ATXN7L1: variants seen among roughly 807,000 people sequenced by gnomAD.
ATXN7L1 encodes the protein ataxin-7-like protein 1.
ATXN7L1 carries 15 observed loss-of-function variants against 70.8 expected under a neutral mutation model. The observed-to-expected ratio is 0.21, with a 90% confidence interval of 0.14 to 0.33. The LOEUF is 0.33. Ranked by LOEUF, ATXN7L1 falls within the 10% of genes least tolerant of loss-of-function variation. The pLI is 1.00. For synonymous variants in ATXN7L1, 440 were observed against 445.1 expected (o/e 0.99, Z 0.14); for missense variants, 975 against 1,097.1 (o/e 0.89, Z 1.57).
intron 3 of ATXN7L1, among the ~76,000 whole-genome samples, chr7:105,688,972 A>C (rs369711438): frequency 1.3e-5 from 2 of 152,370 alleles, no homozygotes; most frequent in African/African-American, 4.8e-5. Flanking sequence ...GTTCCAGAAA[A>C]GACAAGACCT....
At chr7:105,738,101 C>A (rs1409921610) in intron 3 of ATXN7L1, among the ~76,000 whole-genome samples, 1 of 152,238 alleles carries the variant, frequency 6.6e-6, no homozygotes, top group Non-Finnish European at 1.5e-5. Flanking sequence ...ACAGCCACAT[C>A]ACACTGGGCA....
In ATXN7L1 at chr7:105,614,846, C is replaced by A. The variant is rs779670205; in HGVS notation, c.1518-30G>T. The stretch of plus-strand genomic sequence containing the variant: ...ACATGAGAGAAGAGTGAAAGAGAAT[C>A]AGTGAGACATCGGGTTGGCATTGCT... On this transcript the variant is annotated intron_variant, in intron 9 of 11. Coordinates refer to ENST00000419735, the MANE Select transcript of ATXN7L1 (RefSeq NM_020725.2). This position sits in a 1 kb window ranked among gnomAD's most constrained non-coding sequence, Gnocchi z 4.3. 1.7e-5 allele frequency: 26 copies of A among 1,529,706 alleles called. 1 individual carries two copies. Among genetic ancestry groups the A allele is most frequent in the Non-Finnish European group, 2.2e-5 (25 of 1,134,170 alleles). The allele number at this position is 1,529,706 out of a possible 1,614,324, so 94.8% of individuals were successfully genotyped here.
chr7:105,722,597 A>T (rs1222807383), intron 3 of ATXN7L1, among the ~76,000 whole-genome samples: 4 of 125,256 alleles, frequency 3.2e-5, no homozygotes, highest in Non-Finnish European at 6.8e-5. Context: ...AAAAAAAAAA[A>T]AGGTTGGGCT....
intron 3 of ATXN7L1, among the ~76,000 whole-genome samples, chr7:105,708,448 G>A (rs17151463): frequency 0.082 from 12,518 of 152,224 alleles, 615 homozygotes; most frequent in Non-Finnish European, 0.11. Context: ...TTCTAGGGGT[G>A]AAGACAAATA....
rs762760617 is a variant in ATXN7L1 at position 105,668,617 on chromosome 7, T to C, written c.356-3329A>G. 1.4e-4 allele frequency among the ~76,000 whole-genome samples: 22 copies of C among 152,324 alleles called. No homozygotes were observed. In the Middle Eastern group the frequency reaches 0.01, roughly 71 times the overall value. On this transcript the variant is annotated intron_variant, in intron 3 of 11. Coordinates refer to ENST00000419735, the MANE Select transcript of ATXN7L1 (RefSeq NM_020725.2). ...TTATATTTTTAGTAGAGATAGGGTT[T>C]CATCATGTTGGCCAGGCTAGTGTTG...
chr7:105,871,084 GTTTTTTTT>G (rs3999852), intron 2 of ATXN7L1, among the ~76,000 whole-genome samples: 1 of 135,056 alleles, frequency 7.4e-6, no homozygotes, highest in Non-Finnish European at 1.6e-5. Flanking sequence ...GAGGGCTTGG[GTTTTTTTT>G]TTTTTTTTTT....
At chr7:105,722,218 T>C (rs1331243812) in intron 3 of ATXN7L1, among the ~76,000 whole-genome samples, 1 of 152,150 alleles carries the variant, frequency 6.6e-6, no homozygotes, top group Non-Finnish European at 1.5e-5. Flanking sequence ...ACTATGTGTG[T>C]ACACGTGCGT....
intron 3 of ATXN7L1, among the ~76,000 whole-genome samples, chr7:105,700,024 A>C (rs1367547420): frequency 6.6e-6 from 1 of 152,126 alleles, no homozygotes; most frequent in African/African-American, 2.4e-5. Context: ...GGAGCTGAGG[A>C]GCAGCGACTC....
At chr7:105,845,232 A>AAAAAAAG (rs1813834320) in intron 2 of ATXN7L1, among the ~76,000 whole-genome samples, 3 of 145,268 alleles carry the variant, frequency 2.1e-5, no homozygotes, top group African/African-American at 5.0e-5. Context: ...AAAAAAAAAA[A>AAAAAAAG]TCAGTTCAGT....
intron 3 of ATXN7L1, among the ~76,000 whole-genome samples, chr7:105,727,779 C>CATATATATATATATATAT (rs1337554948): frequency 1.5e-5 from 1 of 66,864 alleles, no homozygotes; most frequent in Non-Finnish European, 2.6e-5. Context: ...TATATATATA[C>CATATATATATATATATAT]ACACACATAC....
rs975749270 is a variant in ATXN7L1 at position 105,706,618 on chromosome 7, G to C, written c.356-41330C>G. On this transcript the variant is annotated intron_variant, in intron 3 of 11. Transcript: ENST00000419735. ...CAAACCTCTGGAAAGATATTCCTTTGTGGCCAGTTCTCCATCACTATGCCA... is the reference window on the plus strand; with the variant it reads ...CAAACCTCTGGAAAGATATTCCTTTCTGGCCAGTTCTCCATCACTATGCCA... Among the ~76,000 whole-genome samples, 4 of 152,214 alleles carry C rather than the reference G, an allele frequency of 2.6e-5. No individual in the cohort carries two copies. The East Asian group carries it at 7.7e-4, about 29-fold the overall frequency.
chr7:105,860,128 A>AT (rs1816360529), intron 2 of ATXN7L1, among the ~76,000 whole-genome samples: 4 of 70,800 alleles, frequency 5.6e-5, no homozygotes, highest in Non-Finnish European at 8.1e-5. Flanking sequence ...TTTATATGTA[A>AT]ATATATATAT....
intron 3 of ATXN7L1, among the ~76,000 whole-genome samples, chr7:105,728,842 A>ACCACTTGAAAGAGCTTC (rs1796201256): frequency 6.6e-6 from 1 of 152,222 alleles, no homozygotes; most frequent in South Asian, 2.1e-4. Flanking sequence ...GGACACAAGA[A>ACCACTTGAAAGAGCTTC]CCACTTGAAA....
chr7:105,671,135 T>C (rs532743956), intron 3 of ATXN7L1, among the ~76,000 whole-genome samples: 1,095 of 105,688 alleles, frequency 0.01, 6 homozygotes, highest in Middle Eastern at 0.046. Flanking sequence ...AAAAAAAAAT[T>C]AGCCGGGTGT....
intron 4 of ATXN7L1, among the ~76,000 whole-genome samples, chr7:105,656,037 C>T (rs117768662): frequency 0.018 from 2,720 of 152,358 alleles, 36 homozygotes; most frequent in Non-Finnish European, 0.031. Context: ...AAAGAGAAGG[C>T]AACAAGCCAT....
At chr7:105,611,947 G>C (rs1793194533) in intron 10 of ATXN7L1, among the ~76,000 whole-genome samples, 1 of 152,198 alleles carries the variant, frequency 6.6e-6, no homozygotes, top group Admixed American at 6.5e-5. Flanking sequence ...ACCTGCGTTA[G>C]AGAACCAATG....
intron 3 of ATXN7L1, among the ~76,000 whole-genome samples, chr7:105,730,900 G>A: frequency 6.6e-6 from 1 of 152,166 alleles, no homozygotes; most frequent in Non-Finnish European, 1.5e-5. Flanking sequence ...TTCAAGAATT[G>A]TAGCAGATGT....
At chr7:105,834,023 A>G (rs891166826) in intron 2 of ATXN7L1, among the ~76,000 whole-genome samples, 5 of 152,126 alleles carry the variant, frequency 3.3e-5, no homozygotes, top group Admixed American at 6.5e-5. Flanking sequence ...TTCCCATGTC[A>G]TCATTGTCTT....
In ATXN7L1 at chr7:105,807,851, C is replaced by G. The variant is rs77971767; in HGVS notation, c.251-19143G>C. 2.4e-4 allele frequency among the ~76,000 whole-genome samples: 36 copies of G among 152,310 alleles called. No homozygotes were observed. The East Asian group carries it at 6.0e-3, about 25-fold the overall frequency. On this transcript the variant is annotated intron_variant, in intron 2 of 11. Transcript: ENST00000419735. ...GCGCTATCCGCACCAGAAGAAACAC[C>G]CAGAAGACCCACAGAATCATAGTAA...
Sources: allele counts gnomAD v4.1 joint callset (sites outside exome capture counted in the v4.1 genomes callset), GRCh38; gene constraint gnomAD v4.1.1; non-coding constraint Gnocchi (gnomAD v3.1); transcripts MANE v1.5; gene names NCBI Gene and HGNC (gene_info 2026-07-23, HGNC 2026-07-21).